The following ME1 variants were observed in gnomAD, a reference collection of about 807,000 sequenced individuals.
The protein encoded by ME1 is malic enzyme 1.
Under a neutral mutation model 66.4 loss-of-function variants are expected in ME1, and 74 were observed. The ratio of observed to expected loss-of-function variants is 1.11; its 90% CI spans 0.92 to 1.35. The LOEUF (loss-of-function observed/expected upper bound fraction) is 1.35. Ranked by LOEUF, ME1 falls within the 40% of genes most tolerant of loss-of-function variation. The pLI, the probability that ME1 is intolerant of heterozygous loss-of-function variation, is 0.00. For synonymous variants in ME1, 251 were observed against 235.6 expected (o/e 1.07, Z -0.60); for missense variants, 750 against 694.1 (o/e 1.08, Z -0.90).
chr6:83,298,458 G>C (rs1767643349), intron 6 of ME1, among the ~76,000 whole-genome samples: 1 of 152,062 alleles, frequency 6.6e-6, no homozygotes, highest in East Asian at 1.9e-4. Flanking sequence ...GAAGATGTTG[G>C]ATATTAGACC....
chr6:83,413,408 T>C (rs1054102040), intron 1 of ME1, among the ~76,000 whole-genome samples: 5 of 152,128 alleles, frequency 3.3e-5, no homozygotes, highest in African/African-American at 1.2e-4. Context: ...TTTTTCTTAA[T>C]TTTTTATTTC....
chr6:83,383,286 T>C (rs1298341946), intron 3 of ME1, among the ~76,000 whole-genome samples: 13 of 151,850 alleles, frequency 8.6e-5, no homozygotes, highest in Admixed American at 8.5e-4. Context: ...GAATGATTGT[T>C]TTACATTATA....
chr6:83,402,070 C>T (rs190635114), intron 2 of ME1, among the ~76,000 whole-genome samples: 10 of 152,150 alleles, frequency 6.6e-5, no homozygotes, highest in Admixed American at 1.3e-4. Context: ...TTAGAGCAAA[C>T]GAAGTGTGGG....
At chr6:83,417,467 G>A (rs547760075) in intron 1 of ME1, among the ~76,000 whole-genome samples, 16 of 152,076 alleles carry the variant, frequency 1.1e-4, no homozygotes, top group Middle Eastern at 3.4e-3. Context: ...TGCAACCTCC[G>A]CCACCCAGGT....
chr6:83,355,572 T>C (rs1359048645), intron 3 of ME1, among the ~76,000 whole-genome samples: 1 of 152,152 alleles, frequency 6.6e-6, no homozygotes, highest in South Asian at 2.1e-4. Flanking sequence ...TTATTACTTT[T>C]GAAGAGAGTT....
At chr6:83,409,201 C>T (rs1285591983) in intron 1 of ME1, among the ~76,000 whole-genome samples, 2 of 152,166 alleles carry the variant, frequency 1.3e-5, no homozygotes, top group East Asian at 3.8e-4. Flanking sequence ...ATTTATTTTG[C>T]TTATAAGCCA....
At chr6:83,250,692 C>T (rs1030803528) in intron 7 of ME1, among the ~76,000 whole-genome samples, 3 of 152,216 alleles carry the variant, frequency 2.0e-5, no homozygotes, top group South Asian at 4.1e-4. Flanking sequence ...TTCAAATGTG[C>T]TCCAATTCAA....
chr6:83,240,876 T>C (rs1225151475), intron 7 of ME1, among the ~76,000 whole-genome samples: 1 of 152,134 alleles, frequency 6.6e-6, no homozygotes, highest in Admixed American at 6.6e-5. Context: ...ACAATAATTG[T>C]TGAAGGCCTG....
intron 6 of ME1, among the ~76,000 whole-genome samples, chr6:83,271,196 T>C (rs549847458): frequency 1.2e-4 from 19 of 152,262 alleles, no homozygotes; most frequent in Non-Finnish European, 2.4e-4. Context: ...AAAGATAGGA[T>C]TATTAAGTAG....
At chr6:83,314,910 A>G (rs1393233107) in intron 6 of ME1, among the ~76,000 whole-genome samples, 1 of 152,154 alleles carries the variant, frequency 6.6e-6, no homozygotes, top group African/African-American at 2.4e-5. Flanking sequence ...GTGGTTGACC[A>G]TAAGAGAGTC....
intron 2 of ME1, among the ~76,000 whole-genome samples, chr6:83,403,387 AT>A (rs1166569503): frequency 6.6e-6 from 1 of 152,184 alleles, no homozygotes; most frequent in Non-Finnish European, 1.5e-5. Flanking sequence ...CTGCCAGCAG[AT>A]TCTGAGCCTG....
At chr6:83,312,164 A>T (rs1182024277) in intron 6 of ME1, among the ~76,000 whole-genome samples, 6 of 152,184 alleles carry the variant, frequency 3.9e-5, no homozygotes, top group Admixed American at 3.9e-4. Flanking sequence ...CCAAGTAACT[A>T]TGCACTGGAG....
At chr6:83,216,854 T>C (rs963153594) in intron 12 of ME1, among the ~76,000 whole-genome samples, 2 of 152,192 alleles carry the variant, frequency 1.3e-5, no homozygotes, top group African/African-American at 4.8e-5. Context: ...TCCTTTTCTA[T>C]TGTACCATGA....
chr6:83,364,375 ATACT>A (rs1304290918), intron 3 of ME1, among the ~76,000 whole-genome samples: 1 of 151,922 alleles, frequency 6.6e-6, no homozygotes, highest in African/African-American at 2.4e-5. Flanking sequence ...GTGTGAGTTA[ATACT>A]TAATAAACTC....
intron 3 of ME1, among the ~76,000 whole-genome samples, chr6:83,368,034 A>G (rs1769130572): frequency 6.6e-6 from 1 of 152,082 alleles, no homozygotes; most frequent in Non-Finnish European, 1.5e-5. Context: ...AACTGGGTTA[A>G]TTTCAACACT....
intron 5 of ME1, among the ~76,000 whole-genome samples, chr6:83,333,040 C>A (rs1768444705): frequency 6.6e-6 from 1 of 152,154 alleles, no homozygotes; most frequent in Admixed American, 6.5e-5. Context: ...GCAAGTGTAT[C>A]TTTATGGCAA....
chr6:83,358,243 A>G (rs1562489549), intron 3 of ME1, among the ~76,000 whole-genome samples: 1 of 151,944 alleles, frequency 6.6e-6, no homozygotes, highest in African/African-American at 2.4e-5. Context: ...TGCAAAATAT[A>G]TGCATTTGAC....
intron 1 of ME1, among the ~76,000 whole-genome samples, chr6:83,427,281 A>T (rs966852400): frequency 1.3e-5 from 2 of 152,226 alleles, no homozygotes; most frequent in African/African-American, 4.8e-5. Context: ...GCTTAGACTC[A>T]TACATGAATC....
At chr6:83,333,007 T>G (rs1768444127) in intron 5 of ME1, among the ~76,000 whole-genome samples, 1 of 152,240 alleles carries the variant, frequency 6.6e-6, no homozygotes. Context: ...AGTTGAAAGC[T>G]GCAGAAGCTT....
Sources: allele counts gnomAD v4.1 joint callset (sites outside exome capture counted in the v4.1 genomes callset), GRCh38; gene constraint gnomAD v4.1.1; transcripts MANE v1.5; gene names NCBI Gene and HGNC (gene_info 2026-07-23, HGNC 2026-07-21).